Variants in CRLS1 observed in about 807,000 individuals in gnomAD.
CRLS1 encodes the protein cardiolipin synthase (CMP-forming).
A neutral mutation model predicts 37.0 loss-of-function variants in CRLS1; 24 were observed. The ratio of observed to expected loss-of-function variants is 0.65; its 90% confidence interval spans 0.47 to 0.91. The LOEUF is 0.91. Among genes scored for constraint, CRLS1 ranks in the 40% least tolerant of loss-of-function variants. The pLI, the probability that CRLS1 is intolerant of heterozygous loss-of-function variation, is 0.00. For missense variants in CRLS1, 373 were observed against 395.8 expected (o/e 0.94, Z 0.49); for synonymous variants, 135 against 159.7 (o/e 0.85, Z 1.17).
At chr20:6,015,245 T>G in intron 2 of CRLS1, 116 bp from the exon 3 acceptor site, 1 of 576,388 alleles carries the variant, frequency 1.7e-6, no homozygotes, top group Non-Finnish European at 2.8e-6. Context: ...ACAGAAGACA[T>G]TTTGTTAACA....
chr20:6,006,089 C>T (rs2090049050), upstream of CRLS1: 1 of 395,760 alleles, frequency 2.5e-6, no homozygotes, highest in African/African-American at 2.1e-5. Flanking sequence ...TTCCTGCCAC[C>T]TGTATAAGTG....
intron 3 of CRLS1, chr20:6,023,367 TTTG>T (rs1979424627): frequency 6.6e-6 from 1 of 152,228 alleles, no homozygotes; most frequent in African/African-American, 2.4e-5. Flanking sequence ...AGAAGATTTT[TTTG>T]TTCTACCAGG....
intron 1 of CRLS1, chr20:6,007,284 C>T: frequency 6.4e-7 from 1 of 1,561,108 alleles, no homozygotes; most frequent in Non-Finnish European, 8.7e-7. Context: ...TGGCCAGATC[C>T]TGGCAGGGGT....
Position 6,034,407 on chromosome 20 carries a change from C to T in CRLS1, c.730-57C>T, listed in dbSNP as rs1980398390. The stretch of plus-strand genomic sequence containing the variant: ...ATGGGCTGTGCTTTTGTCTTGAAAG[C>T]TTGAAATAGGATCCAGTTGGCACTA... On this transcript the variant is annotated intron_variant, in intron 5 of 6. Transcript: ENST00000378863. 3 of 1,240,018 alleles carry T rather than the reference C, an allele frequency of 2.4e-6. No homozygotes were observed. In the South Asian group the frequency reaches 3.7e-5, roughly 15 times the overall value. 76.8% of individuals were successfully genotyped at this position (1,240,018 alleles called of 1,614,324 possible). A position where few individuals can be genotyped will look rare whatever the true frequency, so the allele number is the denominator to read the frequency against.
At chr20:6,009,736 A>G in intron 1 of CRLS1, 39 bp from the exon 2 acceptor site, 1 of 1,564,366 alleles carries the variant, frequency 6.4e-7, no homozygotes, top group East Asian at 2.3e-5. Flanking sequence ...GTATGAATTC[A>G]TAGTATTTTA....
At chr20:6,019,571 T>C (rs1396760235) in intron 3 of CRLS1, among the ~76,000 whole-genome samples, 2 of 150,632 alleles carry the variant, frequency 1.3e-5, no homozygotes, top group Non-Finnish European at 3.0e-5. Flanking sequence ...ATGAATCTTT[T>C]GAAAGAATCA....
intron 2 of CRLS1, among the ~76,000 whole-genome samples, 171 bp from the exon 3 acceptor site, chr20:6,015,190 C>T (rs145408239): frequency 6.6e-5 from 10 of 151,956 alleles, no homozygotes; most frequent in African/African-American, 1.9e-4. Context: ...AATTTAAAAG[C>T]GAAATGTATA....
At chr20:6,020,963 A>G (rs1015337617) in intron 3 of CRLS1, among the ~76,000 whole-genome samples, 1 of 149,972 alleles carries the variant, frequency 6.7e-6, no homozygotes, top group Non-Finnish European at 1.5e-5. Flanking sequence ...CTCTTTCTTC[A>G]CTGACTGTTC....
chr20:6,034,944 T>C (rs1452463036), intron 6 of CRLS1, among the ~76,000 whole-genome samples: 1 of 151,884 alleles, frequency 6.6e-6, no homozygotes. Context: ...GGAGAGAGGG[T>C]AGGGAAGCTG....
At chr20:6,037,020 G>T in intron 6 of CRLS1, 54 bp from the exon 7 acceptor site, 1 of 1,219,460 alleles carries the variant, frequency 8.2e-7, no homozygotes, top group Non-Finnish European at 1.2e-6. Context: ...GATTCCCGTT[G>T]CTACTATTTT....
chr20:6,011,139 T>G (rs2090126539), intron 2 of CRLS1, among the ~76,000 whole-genome samples: 1 of 152,212 alleles, frequency 6.6e-6, no homozygotes. Context: ...TACATTATAT[T>G]CTTGTACAAG....
chr20:6,017,136 A>G (rs1978820234), intron 3 of CRLS1, among the ~76,000 whole-genome samples: 1 of 152,038 alleles, frequency 6.6e-6, no homozygotes, highest in African/African-American at 2.4e-5. Flanking sequence ...CACCATGTGC[A>G]TCACCACGCC....
intron 3 of CRLS1, among the ~76,000 whole-genome samples, chr20:6,024,970 T>C (rs73072335): frequency 0.042 from 6,467 of 152,284 alleles, 152 homozygotes; most frequent in Admixed American, 0.065. Flanking sequence ...CCAACCTTGG[T>C]TTGTGCAGTT....
Position 6,006,341 on chromosome 20 carries a change from G to C in CRLS1, c.95G>C (p.Trp32Ser), listed in dbSNP as rs998295879. The change falls in exon 1 of 7, where the codon TGG becomes TCG. Residue 32 changes from tryptophan (W) to serine (S), a missense_variant. Physicochemically the swap from Trp to Ser is radical, Grantham distance 177 (BLOSUM62 -3). Transcript: ENST00000378863. The part of the protein sequence containing the change: ...GTRPSKRRAC[W>S]ALLPPVPCCL... ...CGGCCGAGTAAGCGACGCGCCTGCT[G>C]GGCCCTGCTGCCGCCCGTGCCCTGC... 1 of 1,372,616 alleles carries C rather than the reference G, an allele frequency of 7.3e-7. No individual in the cohort carries two copies. Among genetic ancestry groups the C allele is most frequent in the Non-Finnish European group, 9.4e-7 (1 of 1,060,206 alleles). 85.0% of individuals were successfully genotyped at this position (1,372,616 alleles called of 1,614,324 possible). A position where few individuals can be genotyped will look rare whatever the true frequency, so the allele number is the denominator to read the frequency against.
At chr20:6,010,253 C>T (rs956390334) in intron 2 of CRLS1, among the ~76,000 whole-genome samples, 11 of 152,034 alleles carry the variant, frequency 7.2e-5, no homozygotes, top group African/African-American at 2.7e-4. Flanking sequence ...TCTGAGATGA[C>T]TTTTCTATGT....
chr20:6,006,223 AC>A lies in CRLS1; in HGVS notation c.-20del. 1 of 1,205,814 alleles carries A rather than the reference AC, an allele frequency of 8.3e-7. No homozygotes were observed. The highest frequency in any genetic ancestry group is 1.0e-6 in the Non-Finnish European group (1 of 967,942). 74.7% of individuals were successfully genotyped at this position (1,205,814 alleles called of 1,614,324 possible). A position where few individuals can be genotyped will look rare whatever the true frequency, so the allele number is the denominator to read the frequency against. On this transcript the variant is annotated 5_prime_UTR_variant, in exon 1 of 7. Coordinates refer to ENST00000378863, the MANE Select transcript of CRLS1 (RefSeq NM_019095.6). ...GGCTGCTGAGCTCTCGCCGCCCGAGACCCCGCGGCGCGGCCGCAGGGCCATG... is the reference window on the plus strand; with the variant it reads ...GGCTGCTGAGCTCTCGCCGCCCGAGACCCGCGGCGCGGCCGCAGGGCCATG...
intron 3 of CRLS1, among the ~76,000 whole-genome samples, chr20:6,020,087 T>C (rs1298361268): frequency 6.6e-6 from 1 of 152,238 alleles, no homozygotes; most frequent in East Asian, 1.9e-4. Flanking sequence ...TGATATATTT[T>C]AAGTAATCCA....
chr20:6,018,265 T>C (rs1216645549), intron 3 of CRLS1, among the ~76,000 whole-genome samples: 1 of 151,614 alleles, frequency 6.6e-6, no homozygotes, highest in Non-Finnish European at 1.5e-5. Flanking sequence ...CATGTTGATA[T>C]GAAAAAATCA....
At position 6,009,983 on chromosome 20, in the gene CRLS1, A is replaced by G. The variant is rs2090111812; in HGVS notation, c.444+71A>G. The G allele has an allele frequency of 1.1e-5, 16 of 1,462,764 alleles. No individual in the cohort carries two copies. The Middle Eastern group carries it at 5.4e-4, about 50-fold the overall frequency. 90.6% of individuals were successfully genotyped at this position (1,462,764 alleles called of 1,614,324 possible). A position where few individuals can be genotyped will look rare whatever the true frequency, so the allele number is the denominator to read the frequency against. ...GTCTGTACTACTAAACCGAAATAGC[A>G]TAGCCTTAGCCTGCTTTTCCTTGGG... On this transcript the variant is annotated intron_variant, in intron 2 of 6. Coordinates refer to ENST00000378863, the MANE Select transcript of CRLS1 (RefSeq NM_019095.6).
Sources: gnomAD v4.1 joint callset for allele counts (sites outside exome capture counted in the v4.1 genomes callset) on GRCh38, gnomAD v4.1.1 for gene constraint, MANE v1.5 for transcripts, NCBI Gene and HGNC (gene_info 2026-07-23, HGNC 2026-07-21) for gene names.